Variants in PBRM1 observed in about 807,000 individuals in gnomAD.
PBRM1 encodes polybromo 1.
In PBRM1, 27 loss-of-function variants were observed where a neutral mutation model predicts 194.5. The ratio of observed to expected loss-of-function variants is 0.14; its 90% CI spans 0.10 to 0.19. PBRM1 has a LOEUF of 0.19. Ranked by LOEUF, PBRM1 falls within the 10% of genes least tolerant of loss-of-function variation. PBRM1 has a pLI of 1.00. For synonymous variants in PBRM1, 655 were observed against 693.2 expected, an observed-to-expected ratio of 0.94 and a Z score of 0.87; for missense variants, 1,466 against 2,077.2, an observed-to-expected ratio of 0.71 and a Z score of 5.72.
intron 10 of PBRM1, 26 bp from the exon 12 acceptor site, chr3:52,634,841 A>C: frequency 6.6e-7 from 1 of 1,504,662 alleles, no homozygotes; most frequent in Non-Finnish European, 9.2e-7. Flanking sequence ...AAGTATTTAT[A>C]AAGGGACGAA....
chr3:52,610,797 G>A lies in PBRM1; in HGVS notation c.1925-842C>T, dbSNP rs140694857. ...CCATTAAAAATACAAAAAATTAGCC[G>A]AGTGTGGTGGTGGCGCCTGTAATCC... is the stretch of plus-strand genomic sequence containing the variant. On this transcript the variant is annotated intron_variant, in intron 15 of 29. Coordinates refer to ENST00000296302, the Ensembl canonical transcript of PBRM1. 1.3e-3 allele frequency among the ~76,000 whole-genome samples: 199 copies of A among 152,252 alleles called. 1 individual carries two copies. Among genetic ancestry groups the A allele is most frequent in the African/African-American group, 4.3e-3 (177 of 41,558 alleles).
chr3:52,656,379 T>G (rs1483018165), intron 5 of PBRM1, among the ~76,000 whole-genome samples: 1 of 152,118 alleles, frequency 6.6e-6, no homozygotes, highest in African/African-American at 2.4e-5. Flanking sequence ...AATGCAAGGT[T>G]TAGGCCGGGT....
chr3:52,581,775 T>C (rs906167432), intron 20 of PBRM1, among the ~76,000 whole-genome samples: 2 of 151,818 alleles, frequency 1.3e-5, no homozygotes, highest in East Asian at 2.0e-4. Context: ...GAAGCTGAGA[T>C]TACAGGCACG....
At chr3:52,661,684 G>C (rs564418633) in intron 4 of PBRM1, among the ~76,000 whole-genome samples, 11 of 152,246 alleles carry the variant, frequency 7.2e-5, no homozygotes, top group Admixed American at 4.6e-4. Flanking sequence ...CTATGCAGAA[G>C]AACAACTGCA....
At chr3:52,596,343 CAGG>C in intron 17 of PBRM1, among the ~76,000 whole-genome samples, 1 of 145,360 alleles carries the variant, frequency 6.9e-6, no homozygotes, top group Non-Finnish European at 1.5e-5. Context: ...GGGGCTGAGG[CAGG>C]AGAATTGCTT....
At position 52,624,920 on chromosome 3, in the gene PBRM1, C is replaced by G. The variant is rs1219171641; in HGVS notation, c.1541+2353G>C. Reference sequence around the variant, plus strand: ...ACCTGGATAGCCTCCTGAGACCCAACATCTCACTGTCATGAGTGTTCCTGG... The same window carrying G: ...ACCTGGATAGCCTCCTGAGACCCAAGATCTCACTGTCATGAGTGTTCCTGG... On this transcript the variant is annotated intron_variant, in intron 13 of 29. Transcript: ENST00000296302. 1.9e-6 allele frequency: 3 copies of G among 1,548,402 alleles called. No homozygotes were observed. In the East Asian group the frequency reaches 7.3e-5, roughly 38 times the overall value.
At chr3:52,637,819 C>G (rs1291047798) in intron 10 of PBRM1, among the ~76,000 whole-genome samples, 1 of 137,614 alleles carries the variant, frequency 7.3e-6, no homozygotes, top group Non-Finnish European at 1.6e-5. Flanking sequence ...TGGTGACGGG[C>G]TCCTATAATC....
upstream of PBRM1, among the ~76,000 whole-genome samples, chr3:52,683,483 G>A (rs952757666): frequency 6.6e-6 from 1 of 152,016 alleles, no homozygotes; most frequent in African/African-American, 2.4e-5. Context: ...TTTGGTATAG[G>A]TTATGTGCTC....
At chr3:52,586,552 G>A (rs1346914147) in exon 20 of PBRM1, 1 of 1,613,878 alleles carries the variant, frequency 6.2e-7, no homozygotes, top group Non-Finnish European at 8.5e-7. Context: ...CACATCCCGA[G>A]GGACAAACCT....
chr3:52,652,871 G>A (rs6770463), intron 5 of PBRM1, among the ~76,000 whole-genome samples: 51,843 of 150,800 alleles, frequency 0.34, 9,882 homozygotes, highest in Admixed American at 0.46. Flanking sequence ...GGTGGTGTGC[G>A]CCTGTAATCC....
At position 52,582,470 on chromosome 3, in the gene PBRM1, C is replaced by T. The variant is rs574995065; in HGVS notation, c.3388-3271G>A. Among the ~76,000 whole-genome samples, 7 of 138,906 alleles carry T rather than the reference C, an allele frequency of 5.0e-5. No homozygotes were observed. The East Asian group carries it at 1.1e-3, about 23-fold the overall frequency. The allele number at this position is 138,906 out of a possible 152,430, so 91.1% of individuals were successfully genotyped here. ...TGTTGCCTAGGCTGGAATGCAGTGG[C>T]GTGATCTCAGCTCACTGCAGCCTCC... is the stretch of plus-strand genomic sequence containing the variant. On this transcript the variant is annotated intron_variant, in intron 20 of 29. Coordinates refer to ENST00000296302, the Ensembl canonical transcript of PBRM1.
rs559684721 is a variant in PBRM1 at position 52,596,310 on chromosome 3, C to T, written c.2780-7055G>A. Among the ~76,000 whole-genome samples, 389 of 151,352 alleles carry T rather than the reference C, an allele frequency of 2.6e-3. 2 individuals are homozygous for T. Among genetic ancestry groups the T allele is most frequent in the African/African-American group, 7.7e-3 (319 of 41,216 alleles). ...AAAATTAGCTGGGTTTGGTGGTGCG[C>T]GCCTGTAGTCCCAGCTACTCGGGGG... On this transcript the variant is annotated intron_variant, in intron 17 of 29. Transcript: ENST00000296302.
At chr3:52,658,381 C>A (rs1577824427) in intron 4 of PBRM1, 66 bp from the exon 6 acceptor site, 6 of 797,944 alleles carry the variant, frequency 7.5e-6, no homozygotes, top group East Asian at 5.4e-5. Flanking sequence ...TACATAGCTT[C>A]TAAAATTGTA....
intron 13 of PBRM1, 22 bp downstream of exon 15, chr3:52,624,875 T>C (rs1027937224): frequency 2.1e-6 from 3 of 1,454,174 alleles, no homozygotes; most frequent in Admixed American, 2.0e-5. Context: ...AGAATGTTTA[T>C]GCATAAAAAA....
intron 25 of PBRM1, among the ~76,000 whole-genome samples, chr3:52,561,153 A>T (rs1447494970): frequency 2.0e-5 from 3 of 152,218 alleles, no homozygotes; most frequent in African/African-American, 7.2e-5. Flanking sequence ...TTGTCTCTAA[A>T]TGGCTAAGAA....
chr3:52,552,467 TA>T (rs1468527268), intron 27 of PBRM1, among the ~76,000 whole-genome samples: 1 of 152,128 alleles, frequency 6.6e-6, no homozygotes. Flanking sequence ...ATAAAATAGA[TA>T]TGGGGTTTCA....
chr3:52,654,240 T>C (rs1227698391), intron 5 of PBRM1, among the ~76,000 whole-genome samples: 1 of 152,226 alleles, frequency 6.6e-6, no homozygotes, highest in Non-Finnish European at 1.5e-5. Context: ...GTTACTGGGC[T>C]GAACAGATTA....
rs917324183 is a variant in PBRM1 at position 52,639,688 on chromosome 3, C to T, written c.1087+2266G>A. Among the ~76,000 whole-genome samples, 7 of 151,880 alleles carry T rather than the reference C, an allele frequency of 4.6e-5. No homozygotes were observed. In the East Asian group the frequency reaches 5.8e-4, roughly 13 times the overall value. Reference sequence around the variant, plus strand: ...TGGAGGTTGTAGGGAGCCAAGATCACGCCACTGCTCCAGCCTGGGTGACAG... The same window carrying T: ...TGGAGGTTGTAGGGAGCCAAGATCATGCCACTGCTCCAGCCTGGGTGACAG... On this transcript the variant is annotated intron_variant, in intron 10 of 29. Coordinates refer to ENST00000296302, the Ensembl canonical transcript of PBRM1.
chr3:52,556,044 G>C (rs1481501392), intron 26 of PBRM1, among the ~76,000 whole-genome samples: 3 of 152,090 alleles, frequency 2.0e-5, no homozygotes, highest in Non-Finnish European at 4.4e-5. Context: ...TTGAGGGACT[G>C]GTGCCAAACC....
Sources: allele counts gnomAD v4.1 joint callset (sites outside exome capture counted in the v4.1 genomes callset), GRCh38; gene constraint gnomAD v4.1.1; transcripts MANE v1.5; gene names NCBI Gene and HGNC (gene_info 2026-07-23, HGNC 2026-07-21).